RIN2: variants seen among roughly 807,000 people sequenced by gnomAD.
RIN2 encodes RAB5 interacting protein 2.
A neutral mutation model predicts 78.0 loss-of-function variants in RIN2; 36 were observed. The ratio of observed to expected loss-of-function variants is 0.46; its 90% confidence interval spans 0.35 to 0.61. The LOEUF is 0.61. Among genes scored for constraint, RIN2 ranks in the 20% least tolerant of loss-of-function variants. The pLI is 0.00. For synonymous variants in RIN2, 466 were observed against 466.8 expected, an observed-to-expected ratio of 1.00 and a Z score of 0.02; for missense variants, 1,087 against 1,159.7, an observed-to-expected ratio of 0.94 and a Z score of 0.91.
At chr20:19,928,222 C>T (rs1184913653) in intron 3 of RIN2, among the ~76,000 whole-genome samples, 1 of 152,176 alleles carries the variant, frequency 6.6e-6, no homozygotes, top group Admixed American at 6.5e-5. Flanking sequence ...GTTTTAATCT[C>T]ATTGTCCTTT....
chr20:19,814,320 C>G (rs996650481), intron 2 of RIN2, among the ~76,000 whole-genome samples: 3 of 152,176 alleles, frequency 2.0e-5, no homozygotes, highest in Non-Finnish European at 4.4e-5. Flanking sequence ...GGTGTTTGGA[C>G]CCATGTTTGG....
intron 3 of RIN2, among the ~76,000 whole-genome samples, chr20:19,933,520 T>C (rs1568626585): frequency 6.7e-6 from 1 of 150,092 alleles, no homozygotes; most frequent in Non-Finnish European, 1.5e-5. Context: ...TTGGTTCTGG[T>C]GTCTTTCTGC....
chr20:19,850,094 G>A (rs1568813563), intron 2 of RIN2, among the ~76,000 whole-genome samples: 1 of 152,134 alleles, frequency 6.6e-6, no homozygotes, highest in South Asian at 2.1e-4. Flanking sequence ...CTTTTGGCCT[G>A]GACACTCTGC....
At chr20:19,786,543 ACT>A (rs2034684156) in intron 1 of RIN2, among the ~76,000 whole-genome samples, 1 of 152,206 alleles carries the variant, frequency 6.6e-6, no homozygotes, top group African/African-American at 2.4e-5. Flanking sequence ...CACATTTGAG[ACT>A]CTGAGCCAGA....
intron 1 of RIN2, among the ~76,000 whole-genome samples, chr20:19,792,939 CTGTGTG>C (rs36049213): frequency 2.0e-4 from 29 of 147,236 alleles, no homozygotes; most frequent in African/African-American, 4.2e-4. Context: ...TAAGCAGCCA[CTGTGTG>C]TGTGTGTGTG....
At chr20:19,818,551 G>A (rs151212351) in intron 2 of RIN2, among the ~76,000 whole-genome samples, 1 of 152,246 alleles carries the variant, frequency 6.6e-6, no homozygotes, top group East Asian at 1.9e-4. Context: ...GACCAACATG[G>A]TGAAACCCTG....
Position 19,975,319 on chromosome 20 carries a change from A to T in RIN2, c.1294A>T (p.Met432Leu). ...CHGGRQRLSD[M>L]SISTSSSDSL... ...TGGAGGCCGGCAGCGGCTGAGCGACATGAGCATTTCTACTTCCTCCTCCGA... is the reference window on the plus strand; with the variant it reads ...TGGAGGCCGGCAGCGGCTGAGCGACTTGAGCATTTCTACTTCCTCCTCCGA... Residue 432 changes from methionine to leucine, a missense_variant, in exon 9 of 13, where the codon ATG becomes TTG. Met to Leu is a conservative substitution (Grantham distance 15). Transcript: ENST00000255006. The surrounding 1 kb of genome is among the most constrained non-coding windows in gnomAD (Gnocchi z 4.9). 1.2e-6 allele frequency: 2 copies of T among 1,610,166 alleles called. No individual in the cohort carries two copies. The highest frequency in any genetic ancestry group is 1.7e-6 in the Non-Finnish European group (2 of 1,178,336).
chr20:19,978,540 A>G (rs977660130), intron 9 of RIN2, among the ~76,000 whole-genome samples: 2 of 152,242 alleles, frequency 1.3e-5, no homozygotes, highest in African/African-American at 4.8e-5. Context: ...AATGATAAAC[A>G]GTGAATCAAT....
chr20:19,866,113 C>CCATCT (rs2037498281), intron 2 of RIN2, among the ~76,000 whole-genome samples: 1 of 151,920 alleles, frequency 6.6e-6, no homozygotes, highest in African/African-American at 2.4e-5. Flanking sequence ...CTAGATGGTC[C>CCATCT]CATCTGGGGG....
chr20:19,969,763 G>GA (rs1229730942), intron 7 of RIN2, among the ~76,000 whole-genome samples: 2 of 118,548 alleles, frequency 1.7e-5, no homozygotes, highest in South Asian at 4.6e-4. Context: ...ACCACCACTG[G>GA]AAAAAAACAA....
At chr20:19,906,357 G>C (rs113361308) in intron 3 of RIN2, among the ~76,000 whole-genome samples, 6 of 152,330 alleles carry the variant, frequency 3.9e-5, no homozygotes, top group African/African-American at 1.4e-4. Context: ...GCTGAGATGG[G>C]AGGATTGCTT....
At chr20:19,825,124 C>T (rs542943735) in intron 2 of RIN2, among the ~76,000 whole-genome samples, 46 of 152,346 alleles carry the variant, frequency 3.0e-4, no homozygotes, top group African/African-American at 1.1e-3. Flanking sequence ...TTCCCTGCAA[C>T]CACTGGCTTG....
intron 3 of RIN2, among the ~76,000 whole-genome samples, chr20:19,910,313 C>T (rs364576): frequency 0.27 from 40,689 of 151,594 alleles, 6,745 homozygotes; most frequent in East Asian, 0.54. Context: ...GCTGGGACTA[C>T]AGGCATGCGC....
At chr20:19,922,583 C>T (rs1222331136) in intron 3 of RIN2, among the ~76,000 whole-genome samples, 1 of 152,142 alleles carries the variant, frequency 6.6e-6, no homozygotes, top group Non-Finnish European at 1.5e-5. Context: ...CCTTGAGGTC[C>T]CCCGAGGAGG....
At chr20:19,911,577 A>C (rs2039467912) in intron 3 of RIN2, among the ~76,000 whole-genome samples, 1 of 152,182 alleles carries the variant, frequency 6.6e-6, no homozygotes, top group Admixed American at 6.5e-5. Context: ...CACTGATAAC[A>C]CTAATATAAC....
Position 19,925,510 on chromosome 20 carries a change from G to C in RIN2, c.58-9589G>C, listed in dbSNP as rs186324707. On this transcript the variant is annotated intron_variant, in intron 3 of 12. Transcript: ENST00000255006. ...TAAAAGGCAGAAAAACAATGAAAGA[G>C]ATCATATGTGAAACATATCAGACAA... 5.3e-3 allele frequency among the ~76,000 whole-genome samples: 807 copies of C among 152,220 alleles called. 5 individuals carry two copies. The highest frequency in any genetic ancestry group is 0.018 in the African/African-American group (743 of 41,530).
chr20:19,932,312 C>T (rs954905271), intron 3 of RIN2, among the ~76,000 whole-genome samples: 5 of 152,250 alleles, frequency 3.3e-5, no homozygotes, highest in Non-Finnish European at 4.4e-5. Context: ...GTCATGCTCT[C>T]GGACTTTCCA....
intron 4 of RIN2, among the ~76,000 whole-genome samples, chr20:19,953,281 G>A (rs554439379): frequency 6.9e-4 from 104 of 150,844 alleles, no homozygotes; most frequent in African/African-American, 2.5e-3. Flanking sequence ...ACAGGTGTGT[G>A]CCACCATGCC....
chr20:19,874,842 A>ATTATT (rs66498005), intron 2 of RIN2, among the ~76,000 whole-genome samples: 20 of 151,438 alleles, frequency 1.3e-4, no homozygotes, highest in East Asian at 3.9e-4. Flanking sequence ...TATTTTTAAA[A>ATTATT]TTATTTTATT....
Sources: gnomAD v4.1 joint callset for allele counts (sites outside exome capture counted in the v4.1 genomes callset) on GRCh38, gnomAD v4.1.1 for gene constraint, Gnocchi (gnomAD v3.1) non-coding constraint, MANE v1.5 for transcripts, NCBI Gene and HGNC (gene_info 2026-07-23, HGNC 2026-07-21) for gene names.